Variants in TMEFF2 observed in about 807,000 individuals in gnomAD.
The protein encoded by TMEFF2 is transmembrane protein with EGF like and two follistatin like domains 2, also known as tomoregulin-2.
TMEFF2 carries 28 observed loss-of-function variants against 53.8 expected under a neutral mutation model. The observed-to-expected ratio is 0.52, with a 90% CI of 0.39 to 0.71. TMEFF2 has a LOEUF of 0.71. TMEFF2 is among the 30% of genes least tolerant of loss of function. The pLI is 0.00. For synonymous variants in TMEFF2, 162 were observed against 166.3 expected, an observed-to-expected ratio of 0.97 and a Z score of 0.20; for missense variants, 353 against 455.2, an observed-to-expected ratio of 0.78 and a Z score of 2.04.
intron 7 of TMEFF2, among the ~76,000 whole-genome samples, chr2:191,981,082 T>A (rs112610904): frequency 0.013 from 1,917 of 152,188 alleles, 34 homozygotes; most frequent in South Asian, 0.051. Context: ...GTTTTTTTTT[T>A]TTATTTAATA....
At chr2:192,159,233 C>CA (rs1365215415) in intron 4 of TMEFF2, among the ~76,000 whole-genome samples, 9 of 152,126 alleles carry the variant, frequency 5.9e-5, no homozygotes, top group African/African-American at 2.2e-4. Context: ...ACCCCCAAGG[C>CA]AAGACTTTAT....
rs553332516 is a variant in TMEFF2 at position 192,077,827 on chromosome 2, A to G, written c.440-20052T>C. 2.6e-5 allele frequency among the ~76,000 whole-genome samples: 4 copies of G among 152,200 alleles called. No individual in the cohort carries two copies. In the East Asian group the frequency reaches 5.8e-4, roughly 22 times the overall value. ...ATATTTGTATATGTTTATATATATA[A>G]GCACAACGTTCTGATTTCTTATAAG... On this transcript the variant is annotated intron_variant, in intron 4 of 9. Transcript: ENST00000272771.
chr2:192,054,228 C>G (rs1287376482), intron 5 of TMEFF2, among the ~76,000 whole-genome samples: 1 of 151,600 alleles, frequency 6.6e-6, no homozygotes, highest in African/African-American at 2.4e-5. Context: ...AGCTTTGCTG[C>G]TGGTTTCATT....
At chr2:191,993,382 A>C (rs1686150856) in intron 7 of TMEFF2, among the ~76,000 whole-genome samples, 1 of 152,056 alleles carries the variant, frequency 6.6e-6, no homozygotes, top group Admixed American at 6.6e-5. Flanking sequence ...ATTACAAGAA[A>C]TAATGAATTG....
At chr2:192,075,409 T>C (rs1418805641) in intron 4 of TMEFF2, among the ~76,000 whole-genome samples, 3 of 148,888 alleles carry the variant, frequency 2.0e-5, no homozygotes, top group Non-Finnish European at 4.4e-5. Flanking sequence ...TAAATTTTGC[T>C]CTGTGAGTTT....
At chr2:192,046,836 T>C (rs1350364069) in intron 5 of TMEFF2, among the ~76,000 whole-genome samples, 1 of 152,196 alleles carries the variant, frequency 6.6e-6, no homozygotes, top group Non-Finnish European at 1.5e-5. Context: ...ATTTTTATTT[T>C]TCATCATTAT....
chr2:191,993,522 A>T (rs1227216850), intron 7 of TMEFF2, among the ~76,000 whole-genome samples: 3 of 152,028 alleles, frequency 2.0e-5, no homozygotes, highest in African/African-American at 7.2e-5. Flanking sequence ...ACGAACAGCC[A>T]GGGGAAATAT....
intron 4 of TMEFF2, among the ~76,000 whole-genome samples, chr2:192,138,658 T>C (rs1690067767): frequency 6.6e-6 from 1 of 152,234 alleles, no homozygotes; most frequent in Admixed American, 6.5e-5. Context: ...TTGAAATTAT[T>C]GTGCTATCTT....
intron 7 of TMEFF2, among the ~76,000 whole-genome samples, chr2:191,964,368 CTT>C (rs1161367751): frequency 1.5e-4 from 10 of 66,058 alleles, no homozygotes; most frequent in African/African-American, 2.6e-4. Flanking sequence ...TTCTTTCTTT[CTT>C]TCTCTTTCTT....
chr2:192,133,992 C>T (rs945128514), intron 4 of TMEFF2, among the ~76,000 whole-genome samples: 1 of 152,154 alleles, frequency 6.6e-6, no homozygotes, highest in East Asian at 1.9e-4. Context: ...GAGCCAGTAC[C>T]CCACCCTGTA....
chr2:192,108,372 A>T (rs146991477), intron 4 of TMEFF2, among the ~76,000 whole-genome samples: 2 of 152,006 alleles, frequency 1.3e-5, no homozygotes, highest in African/African-American at 4.8e-5. Flanking sequence ...GCATTATTTA[A>T]ATGTAATCTT....
chr2:192,009,644 T>C (rs1686580396), intron 5 of TMEFF2, among the ~76,000 whole-genome samples: 1 of 152,056 alleles, frequency 6.6e-6, no homozygotes, highest in African/African-American at 2.4e-5. Flanking sequence ...TATTATACCA[T>C]GCTATAATAA....
At chr2:191,998,922 G>T in intron 6 of TMEFF2, 138 bp downstream of exon 6, 1 of 826,826 alleles carries the variant, frequency 1.2e-6, no homozygotes, top group Non-Finnish European at 1.9e-6. Flanking sequence ...AAATGCTACA[G>T]TAGACTCTAC....
Position 192,179,658 on chromosome 2 carries a change from C to G in TMEFF2, c.439+10G>C. 1 of 1,553,174 alleles carries G rather than the reference C, an allele frequency of 6.4e-7. No individual in the cohort carries two copies. The highest frequency in any genetic ancestry group is 2.0e-5 in the Admixed American group (1 of 51,272). ...GTAAATCTTCAAATATGTAAAAAGG[C>G]AACTCCTACCTCCATCTCCAGATCC... On this transcript the variant is annotated intron_variant, in intron 4 of 9. Coordinates refer to ENST00000272771, the MANE Select transcript of TMEFF2 (RefSeq NM_016192.4).
At chr2:191,987,233 A>C (rs889808835) in intron 7 of TMEFF2, among the ~76,000 whole-genome samples, 5 of 151,998 alleles carry the variant, frequency 3.3e-5, no homozygotes, top group African/African-American at 1.2e-4. Flanking sequence ...ATGTCCCCTG[A>C]ATGGGAGGTG....
chr2:192,165,039 A>G (rs1479657189), intron 4 of TMEFF2, among the ~76,000 whole-genome samples: 3 of 147,328 alleles, frequency 2.0e-5, no homozygotes, highest in Non-Finnish European at 1.5e-5. Flanking sequence ...CATGTGCAGG[A>G]GACTAGCAAG....
intron 9 of TMEFF2, 136 bp from the exon 10 acceptor site, chr2:191,950,543 CT>C (rs1402925204): frequency 1.5e-6 from 2 of 1,293,306 alleles, no homozygotes; most frequent in African/African-American, 1.5e-5. Flanking sequence ...TTAGTAGAAG[CT>C]TGGATTATTT....
chr2:192,076,362 G>T (rs1428556239), intron 4 of TMEFF2, among the ~76,000 whole-genome samples: 1 of 151,642 alleles, frequency 6.6e-6, no homozygotes, highest in Admixed American at 6.6e-5. Context: ...CTAATATTTG[G>T]GAGCATGCAC....
intron 4 of TMEFF2, among the ~76,000 whole-genome samples, chr2:192,100,269 TGTG>T (rs1192628813): frequency 1.3e-5 from 2 of 152,202 alleles, no homozygotes; most frequent in African/African-American, 4.8e-5. Flanking sequence ...TTCATGATGG[TGTG>T]TCAGACTGTG....
Sources: gnomAD v4.1 joint callset for allele counts (sites outside exome capture counted in the v4.1 genomes callset) on GRCh38, gnomAD v4.1.1 for gene constraint, MANE v1.5 for transcripts, NCBI Gene and HGNC (gene_info 2026-07-23, HGNC 2026-07-21) for gene names.